The following TAF13 variants were observed in gnomAD, a reference collection of about 807,000 sequenced individuals.
The protein encoded by TAF13 is transcription initiation factor TFIID subunit 13.
TAF13 carries 9 observed loss-of-function variants against 18.7 expected under a neutral mutation model. The ratio of observed to expected loss-of-function variants is 0.48; its 90% CI spans 0.29 to 0.84. The LOEUF (loss-of-function observed/expected upper bound fraction) is 0.84, where lower values mean the gene tolerates loss of function less well. Among genes scored for constraint, TAF13 ranks in the 40% least tolerant of loss-of-function variants. The probability of loss-of-function intolerance (pLI) is 0.08; values close to 1 mark genes in which losing one functional copy is unlikely to be tolerated. For synonymous variants in TAF13, 49 were observed against 44.1 expected (o/e 1.11, Z -0.44); for missense variants, 105 against 146.5 (o/e 0.72, Z 1.46).
intron 2 of TAF13, 146 bp downstream of exon 2, chr1:109,074,841 T>A: frequency 1.5e-6 from 1 of 656,760 alleles, no homozygotes; most frequent in East Asian, 2.6e-5. Flanking sequence ...TGGTACTATC[T>A]GATTCAAAAG....
intron 2 of TAF13, among the ~76,000 whole-genome samples, chr1:109,072,330 T>C (rs1317122024): frequency 6.6e-6 from 1 of 151,610 alleles, no homozygotes; most frequent in Non-Finnish European, 1.5e-5. Flanking sequence ...GCCTGGATCA[T>C]CAGTATTAGT....
At chr1:109,072,262 TA>T (rs1664091239) in intron 2 of TAF13, among the ~76,000 whole-genome samples, 1 of 151,036 alleles carries the variant, frequency 6.6e-6, no homozygotes, top group South Asian at 2.1e-4. Flanking sequence ...TAACTTTACA[TA>T]AAGGACCCAG....
intron 2 of TAF13, among the ~76,000 whole-genome samples, chr1:109,067,675 CAAAT>C (rs1484679800): frequency 2.6e-5 from 4 of 152,150 alleles, no homozygotes; most frequent in South Asian, 2.1e-4. Context: ...CTAATACAGA[CAAAT>C]AAAAATAACT....
At chr1:109,068,907 C>T (rs28535615) in intron 2 of TAF13, among the ~76,000 whole-genome samples, 3,397 of 152,234 alleles carry the variant, frequency 0.022, 67 homozygotes, top group Admixed American at 0.038. Flanking sequence ...GAGGCTGAGG[C>T]AGGAGAATAG....
chr1:109,075,905 A>G lies in TAF13; in HGVS notation c.27+16T>C, dbSNP rs762432468. 1 of 1,614,036 alleles carries G rather than the reference A, an allele frequency of 6.2e-7. No homozygotes were observed. The highest frequency in any genetic ancestry group is 8.5e-7 in the Non-Finnish European group (1 of 1,179,970). ...AGTGAAGAAAAGACAGGTTTTGGACAGAGACGGTCACTCACCGTGGGGTCT... is the reference window on the plus strand; with the variant it reads ...AGTGAAGAAAAGACAGGTTTTGGACGGAGACGGTCACTCACCGTGGGGTCT... On this transcript the variant is annotated intron_variant, in intron 1 of 3. Coordinates refer to ENST00000338366, the MANE Select transcript of TAF13 (RefSeq NM_005645.4).
At chr1:109,074,011 G>A (rs1034624118) in intron 2 of TAF13, among the ~76,000 whole-genome samples, 5 of 151,962 alleles carry the variant, frequency 3.3e-5, no homozygotes, top group African/African-American at 7.3e-5. Flanking sequence ...GAGCGCCTCC[G>A]CCAGGCCGCC....
In TAF13 at chr1:109,075,979, C is replaced by T. The variant is rs781646026; in HGVS notation, c.-32G>A. 13 of 1,614,188 alleles carry T rather than the reference C, an allele frequency of 8.1e-6. No individual in the cohort carries two copies. Among genetic ancestry groups the T allele is most frequent in the Non-Finnish European group, 1.0e-5 (12 of 1,180,040 alleles). On this transcript the variant is annotated 5_prime_UTR_variant, in exon 1 of 4. Coordinates refer to ENST00000338366, the MANE Select transcript of TAF13 (RefSeq NM_005645.4). Reference sequence around the variant, plus strand: ...AGCACGCCAACTCACAGCGTCCTGCCGGCTGGCTCCCAGCTGGTTACACTA... The same window carrying T: ...AGCACGCCAACTCACAGCGTCCTGCTGGCTGGCTCCCAGCTGGTTACACTA...
intron 1 of TAF13, 81 bp downstream of exon 1, chr1:109,075,840 A>T: frequency 6.3e-7 from 1 of 1,591,390 alleles, no homozygotes; most frequent in Non-Finnish European, 8.6e-7. Context: ...AGGCAAGCAG[A>T]CCCGATCCTG....
intron 2 of TAF13, among the ~76,000 whole-genome samples, chr1:109,074,354 T>A (rs1464721797): frequency 6.6e-6 from 1 of 152,148 alleles, no homozygotes; most frequent in Non-Finnish European, 1.5e-5. Context: ...AGATGTGCTT[T>A]GTTAAACAGA....
chr1:109,066,239 A>C lies in TAF13; in HGVS notation c.107-7T>G. The C allele has an allele frequency of 6.3e-7, 1 of 1,579,194 alleles. No homozygotes were observed. The highest frequency in any genetic ancestry group is 8.6e-7 in the Non-Finnish European group (1 of 1,166,022). On this transcript the variant is annotated splice_region_variant and splice_polypyrimidine_tract_variant and intron_variant, in intron 2 of 3. Coordinates refer to ENST00000338366, the MANE Select transcript of TAF13 (RefSeq NM_005645.4). ...CCATACATCATACATCGCACTGTAA[A>C]AGAACAATCACTTACTTTTGTTTAC... is the stretch of plus-strand genomic sequence containing the variant.
rs775354346 is a variant in TAF13, at chr1:109,075,074, T to TA, written c.28-10dup. 2 of 1,592,128 alleles carry TA rather than the reference T, an allele frequency of 1.3e-6. No homozygotes were observed. Among genetic ancestry groups the TA allele is most frequent in the South Asian group, 2.3e-5 (2 of 87,908 alleles). Reference sequence around the variant, plus strand: ...TCATTTTCTTCCTCAAACTAGAAGTTAAAATGTATATATAGAAATGTCAAA... The same window carrying TA: ...TCATTTTCTTCCTCAAACTAGAAGTTAAAAATGTATATATAGAAATGTCAAA... On this transcript the variant is annotated splice_polypyrimidine_tract_variant and intron_variant, in intron 1 of 3. Coordinates refer to ENST00000338366, the MANE Select transcript of TAF13 (RefSeq NM_005645.4).
intron 2 of TAF13, among the ~76,000 whole-genome samples, chr1:109,071,905 T>C (rs573582230): frequency 1.3e-4 from 20 of 148,686 alleles, no homozygotes; most frequent in African/African-American, 4.7e-4. Flanking sequence ...TGAGCCAAGA[T>C]TGCGCCATTA....
At chr1:109,065,259 G>A (rs536691546) in intron 3 of TAF13, among the ~76,000 whole-genome samples, 1 of 152,158 alleles carries the variant, frequency 6.6e-6, no homozygotes, top group Non-Finnish European at 1.5e-5. Flanking sequence ...GGAGGCTGAG[G>A]GGGTAGATTG....
At chr1:109,071,841 A>C (rs558681967) in intron 2 of TAF13, among the ~76,000 whole-genome samples, 299 of 151,088 alleles carry the variant, frequency 2.0e-3, no homozygotes, top group South Asian at 6.5e-3. Context: ...AGTCCCAGCT[A>C]CTCAGGAGGC....
intron 1 of TAF13, 130 bp downstream of exon 1, chr1:109,075,791 G>C: frequency 1.7e-6 from 2 of 1,170,270 alleles, no homozygotes; most frequent in Non-Finnish European, 1.3e-6. Context: ...TCAATCCTTA[G>C]GGCGTGAAGT....
At position 109,074,991 on chromosome 1, in the gene TAF13, T is replaced by C; in HGVS notation, c.102A>G (p.Lys34=). The part of the protein sequence containing the change: ...GQGKRKRLFS[K]ELRCMMYGFG... ...TCATTGTCAAATACTACTTACATTCTTTAGAAAAAAGTCTCTTTCTTTTAC... is the reference window on the plus strand; with the variant it reads ...TCATTGTCAAATACTACTTACATTCCTTAGAAAAAAGTCTCTTTCTTTTAC... Residue 34 remains lysine, a synonymous_variant, in exon 2 of 4, where the codon AAA becomes AAG. Transcript: ENST00000338366. The C allele has an allele frequency of 6.3e-7, 1 of 1,594,334 alleles. No homozygotes were observed. Among genetic ancestry groups the C allele is most frequent in the South Asian group, 1.2e-5 (1 of 86,296 alleles).
intron 2 of TAF13, among the ~76,000 whole-genome samples, chr1:109,070,276 T>G (rs1322881815): frequency 6.6e-6 from 1 of 152,184 alleles, no homozygotes; most frequent in Non-Finnish European, 1.5e-5. Context: ...TGGAGTTCAG[T>G]GGTGTGATCT....
Position 109,075,996 on chromosome 1 carries a change from G to C in TAF13, c.-49C>G. On this transcript the variant is annotated 5_prime_UTR_variant, in exon 1 of 4. Transcript: ENST00000338366. ...CGTCCTGCCGGCTGGCTCCCAGCTG[G>C]TTACACTACTTCCGCCGCCTCACTT... The C allele has an allele frequency of 6.2e-7, 1 of 1,613,924 alleles. No homozygotes were observed. The highest frequency in any genetic ancestry group is 8.5e-7 in the Non-Finnish European group (1 of 1,179,886).
chr1:109,066,272 G>A (rs780304669), intron 2 of TAF13, 40 bp from the exon 3 acceptor site: 33 of 1,498,276 alleles, frequency 2.2e-5, no homozygotes, highest in Admixed American at 1.9e-4. Context: ...TACTTTTACA[G>A]ATTTAACAAT....
Sources: allele counts gnomAD v4.1 joint callset (sites outside exome capture counted in the v4.1 genomes callset), GRCh38; gene constraint gnomAD v4.1.1; transcripts MANE v1.5; gene names NCBI Gene and HGNC (gene_info 2026-07-23, HGNC 2026-07-21).